The following ERC2 variants were observed in gnomAD, a reference collection of about 807,000 sequenced individuals.
The protein encoded by ERC2 is ELKS/RAB6-interacting/CAST family member 2.
ERC2 carries 42 observed loss-of-function variants against 114.8 expected under a neutral mutation model. The observed-to-expected ratio is 0.37, with a 90% CI of 0.29 to 0.47. The LOEUF (loss-of-function observed/expected upper bound fraction) is 0.47. Among genes scored for constraint, ERC2 ranks in the 20% least tolerant of loss-of-function variants. The pLI, the probability that ERC2 is intolerant of heterozygous loss-of-function variation, is 0.99. For missense variants in ERC2, 939 were observed against 1,150.7 expected, an observed-to-expected ratio of 0.82 and a Z score of 2.66; for synonymous variants, 454 against 425.5, an observed-to-expected ratio of 1.07 and a Z score of -0.82.
At chr3:56,320,238 A>G (rs1319491252) in intron 2 of ERC2, among the ~76,000 whole-genome samples, 2 of 152,248 alleles carry the variant, frequency 1.3e-5, no homozygotes, top group Non-Finnish European at 2.9e-5. Flanking sequence ...CAGGTTAACT[A>G]CAAAAGAACA....
intron 14 of ERC2, among the ~76,000 whole-genome samples, chr3:55,824,120 A>C (rs748493983): frequency 6.6e-6 from 1 of 152,194 alleles, no homozygotes; most frequent in Non-Finnish European, 1.5e-5. Context: ...GGCCCTCCTG[A>C]ACAAGCTAAT....
At chr3:56,232,095 C>G (rs1017192246) in intron 3 of ERC2, among the ~76,000 whole-genome samples, 19 of 150,080 alleles carry the variant, frequency 1.3e-4, no homozygotes, top group African/African-American at 3.9e-4. Flanking sequence ...CTCAGCCTCC[C>G]AAGCAGCTGG....
rs548896375 is a variant in ERC2, at chr3:56,140,963, G to A, written c.1306-1287C>T. ...CACTTGAACCTGAGAGGCAGAGGTT[G>A]CAGTGAGCCGAGATCACGCCACTGC... On this transcript the variant is annotated intron_variant, in intron 5 of 17. Coordinates refer to ENST00000288221, the MANE Select transcript of ERC2 (RefSeq NM_015576.3). Among the ~76,000 whole-genome samples, 4 of 152,306 alleles carry A rather than the reference G, an allele frequency of 2.6e-5. No individual in the cohort carries two copies. The East Asian group carries it at 7.7e-4, about 29-fold the overall frequency.
At chr3:56,464,364 C>T (rs1319869453) in intron 1 of ERC2, among the ~76,000 whole-genome samples, 1 of 152,252 alleles carries the variant, frequency 6.6e-6, no homozygotes, top group Admixed American at 6.5e-5. Context: ...TCCCTTCAGC[C>T]TGGGCCCCAG....
intron 14 of ERC2, 112 bp downstream of exon 14, chr3:55,888,277 G>T (rs2063444033): frequency 5.5e-6 from 7 of 1,268,682 alleles, no homozygotes; most frequent in Non-Finnish European, 7.6e-6. Flanking sequence ...GCAAGTGTGA[G>T]CTAAATTATT....
chr3:56,184,421 C>T (rs1245478795), intron 3 of ERC2, among the ~76,000 whole-genome samples: 1 of 152,128 alleles, frequency 6.6e-6, no homozygotes, highest in Non-Finnish European at 1.5e-5. Context: ...TATAAGACCA[C>T]AAATGTTAAT....
intron 13 of ERC2, among the ~76,000 whole-genome samples, chr3:55,926,834 G>T (rs1053937494): frequency 6.6e-6 from 1 of 152,052 alleles, no homozygotes; most frequent in Non-Finnish European, 1.5e-5. Flanking sequence ...ATGAAGATGG[G>T]GGTCATGTAA....
intron 14 of ERC2, among the ~76,000 whole-genome samples, chr3:55,768,210 G>A (rs1398119375): frequency 6.6e-6 from 1 of 152,162 alleles, no homozygotes; most frequent in Non-Finnish European, 1.5e-5. Context: ...CTAGTTTTAG[G>A]TATTTGTTTA....
Position 55,834,829 on chromosome 3 carries a change from T to C in ERC2, c.2564+53560A>G, listed in dbSNP as rs1163728103. 6.2e-5 allele frequency among the ~76,000 whole-genome samples: 8 copies of C among 129,322 alleles called. 1 individual carries two copies. The highest frequency in any genetic ancestry group is 1.1e-4 in the Non-Finnish European group (7 of 64,014). The allele number at this position is 129,322 out of a possible 152,430, so 84.8% of individuals were successfully genotyped here. A position where few individuals can be genotyped will look rare whatever the true frequency, so the allele number is the denominator to read the frequency against. ...ACCAGGAGCTGGTTTTTTGAAAGGA[T>C]CAACAAAACTGATAGACCACTAGCA... On this transcript the variant is annotated intron_variant, in intron 14 of 17. Transcript: ENST00000288221.
intron 2 of ERC2, among the ~76,000 whole-genome samples, chr3:56,369,377 C>T (rs912910117): frequency 6.6e-6 from 1 of 152,198 alleles, no homozygotes; most frequent in African/African-American, 2.4e-5. Flanking sequence ...AAAATACAGT[C>T]AATGGCATCT....
At chr3:55,656,289 C>A (rs780992338) in intron 17 of ERC2, among the ~76,000 whole-genome samples, 2 of 151,972 alleles carry the variant, frequency 1.3e-5, no homozygotes, top group Non-Finnish European at 2.9e-5. Flanking sequence ...CAGGAGTACA[C>A]CCCCACTTCC....
chr3:55,627,918 C>T (rs1164475175), intron 17 of ERC2, among the ~76,000 whole-genome samples: 15 of 82,306 alleles, frequency 1.8e-4, no homozygotes, highest in Admixed American at 4.5e-4. Flanking sequence ...AGAAAGGGGG[C>T]GGGGGTCATA....
At chr3:56,399,677 T>C (rs1232688151) in intron 2 of ERC2, among the ~76,000 whole-genome samples, 1 of 91,134 alleles carries the variant, frequency 1.1e-5, no homozygotes, top group Non-Finnish European at 3.0e-5. Flanking sequence ...CTAAGCACAT[T>C]TTTTATTCCA....
Position 56,319,849 on chromosome 3 carries a change from A to G in ERC2, c.658-23414T>C, listed in dbSNP as rs188644064. Among the ~76,000 whole-genome samples, 603 of 152,268 alleles carry G rather than the reference A, an allele frequency of 4.0e-3. 5 individuals are homozygous for G. Among genetic ancestry groups the G allele is most frequent in the African/African-American group, 0.014 (565 of 41,554 alleles). ...ACAGCAACAAAAATGCTCTACAGGGACAGTCCCTCAATCCAGACCACACAG... is the reference window on the plus strand; with the variant it reads ...ACAGCAACAAAAATGCTCTACAGGGGCAGTCCCTCAATCCAGACCACACAG... On this transcript the variant is annotated intron_variant, in intron 2 of 17. Coordinates refer to ENST00000288221, the MANE Select transcript of ERC2 (RefSeq NM_015576.3).
intron 6 of ERC2, among the ~76,000 whole-genome samples, chr3:56,081,465 T>A (rs2077227913): frequency 6.6e-6 from 1 of 151,926 alleles, no homozygotes; most frequent in South Asian, 2.1e-4. Flanking sequence ...AAATACATGT[T>A]GCCAAGAGGA....
intron 13 of ERC2, among the ~76,000 whole-genome samples, chr3:55,899,978 G>A (rs2064043890): frequency 6.6e-6 from 1 of 152,210 alleles, no homozygotes; most frequent in Non-Finnish European, 1.5e-5. Flanking sequence ...GTATGAAGCA[G>A]TCCTCCAGAA....
At chr3:55,900,890 G>C (rs1057086408) in intron 13 of ERC2, among the ~76,000 whole-genome samples, 1 of 152,184 alleles carries the variant, frequency 6.6e-6, no homozygotes, top group Non-Finnish European at 1.5e-5. Context: ...TATTCCCAAA[G>C]AAGCAGACCA....
chr3:55,565,053 C>A (rs1465996064), intron 17 of ERC2, among the ~76,000 whole-genome samples: 1 of 152,152 alleles, frequency 6.6e-6, no homozygotes. Flanking sequence ...TTTGCTGACC[C>A]CTTTCTCTAG....
intron 3 of ERC2, among the ~76,000 whole-genome samples, chr3:56,275,661 C>T (rs759428398): frequency 6.6e-6 from 1 of 152,180 alleles, no homozygotes; most frequent in Non-Finnish European, 1.5e-5. Context: ...GATTCTAATT[C>T]CAGAGGCCTG....
Sources: gnomAD v4.1 joint callset for allele counts (sites outside exome capture counted in the v4.1 genomes callset) on GRCh38, gnomAD v4.1.1 for gene constraint, MANE v1.5 for transcripts, NCBI Gene and HGNC (gene_info 2026-07-23, HGNC 2026-07-21) for gene names.